The following DCDC1 variants were observed in gnomAD, a reference collection of about 807,000 sequenced individuals.
DCDC1 encodes doublecortin domain containing 1, also known as doublecortin domain-containing protein 1.
In DCDC1, 200 loss-of-function variants were observed where a neutral mutation model predicts 178.3. That is an observed-to-expected ratio of 1.12 (90% confidence interval 1.00 to 1.26). DCDC1 has a LOEUF of 1.26. Among genes scored for constraint, DCDC1 ranks in the 50% most tolerant of loss-of-function variants. DCDC1 has a pLI of 0.00. For synonymous variants in DCDC1, 690 were observed against 604.8 expected (o/e 1.14, Z -2.07); for missense variants, 1,983 against 1,749.2 (o/e 1.13, Z -2.38).
At chr11:30,905,332 C>T (rs1400182036) in intron 30 of DCDC1, among the ~76,000 whole-genome samples, 168 bp from the exon 31 acceptor site, 1 of 152,174 alleles carries the variant, frequency 6.6e-6, no homozygotes, top group Non-Finnish European at 1.5e-5. Flanking sequence ...GATGTTGGAT[C>T]CAAATTCTTC....
intron 20 of DCDC1, among the ~76,000 whole-genome samples, chr11:30,961,021 C>T (rs1192771489): frequency 6.6e-6 from 1 of 152,046 alleles, no homozygotes; most frequent in Non-Finnish European, 1.5e-5. Flanking sequence ...TATCTCCTCT[C>T]TCAAAAACAA....
rs943351119 is a variant in DCDC1 at position 30,921,968 on chromosome 11, G to C, written c.3133+535C>G. ...GAGATGACCACTCAGTCATAGTCAG[G>C]CTCCAGAGGGCCACAGGAAGCAGAG... On this transcript the variant is annotated intron_variant, in intron 24 of 38. Coordinates refer to ENST00000684477, the MANE Select transcript of DCDC1 (RefSeq NM_001387274.1). Among the ~76,000 whole-genome samples, 20 of 152,224 alleles carry C rather than the reference G, an allele frequency of 1.3e-4. No individual in the cohort carries two copies. The East Asian group carries it at 3.5e-3, about 26-fold the overall frequency.
In DCDC1 at chr11:31,367,090, G is replaced by C. The variant is rs548747121; in HGVS notation, c.-125+2607C>G. Among the ~76,000 whole-genome samples, 6 of 152,310 alleles carry C rather than the reference G, an allele frequency of 3.9e-5. No homozygotes were observed. The Middle Eastern group carries it at 0.01, about 259-fold the overall frequency. Reference sequence around the variant, plus strand: ...GCAGGCAGATTGCTTGAGCTCAAGAGTTCCAGACCAGCCTGGCCAACATGG... The same window carrying C: ...GCAGGCAGATTGCTTGAGCTCAAGACTTCCAGACCAGCCTGGCCAACATGG... On this transcript the variant is annotated intron_variant, in intron 1 of 38. Coordinates refer to ENST00000684477, the MANE Select transcript of DCDC1 (RefSeq NM_001387274.1).
chr11:30,927,869 CA>C, intron 22 of DCDC1, among the ~76,000 whole-genome samples: 1 of 152,022 alleles, frequency 6.6e-6, no homozygotes, highest in African/African-American at 2.4e-5. Flanking sequence ...GCATACTTTG[CA>C]AAAAAGTTCA....
At chr11:31,092,875 A>G (rs1258292103) in intron 16 of DCDC1, among the ~76,000 whole-genome samples, 1 of 152,214 alleles carries the variant, frequency 6.6e-6, no homozygotes, top group Non-Finnish European at 1.5e-5. Flanking sequence ...AGGTGAGTCA[A>G]ATATAGAGGA....
At chr11:31,035,965 T>C (rs1954000098) in intron 20 of DCDC1, among the ~76,000 whole-genome samples, 1 of 152,256 alleles carries the variant, frequency 6.6e-6, no homozygotes. Context: ...TTTATTGTTT[T>C]GCTCAAATCG....
intron 1 of DCDC1, among the ~76,000 whole-genome samples, chr11:31,364,336 G>C (rs1951853364): frequency 6.6e-6 from 1 of 152,102 alleles, no homozygotes; most frequent in Admixed American, 6.6e-5. Flanking sequence ...AGAAAAACCA[G>C]AGTGGTGATA....
chr11:30,971,877 G>A (rs1412374614), intron 20 of DCDC1, among the ~76,000 whole-genome samples: 1 of 152,054 alleles, frequency 6.6e-6, no homozygotes, highest in Non-Finnish European at 1.5e-5. Flanking sequence ...CCAAAGTGCT[G>A]GGATTACAGG....
intron 9 of DCDC1, among the ~76,000 whole-genome samples, chr11:31,226,341 T>G (rs1053279016): frequency 5.3e-5 from 8 of 149,976 alleles, no homozygotes; most frequent in African/African-American, 1.7e-4. Flanking sequence ...TCCAGAAAAA[T>G]AAGAAAGAGG....
At chr11:31,156,883 CAT>C (rs1402984124) in intron 9 of DCDC1, among the ~76,000 whole-genome samples, 1 of 152,080 alleles carries the variant, frequency 6.6e-6, no homozygotes, top group Non-Finnish European at 1.5e-5. Flanking sequence ...TCACACTGCA[CAT>C]AGATGCTCAA....
At chr11:31,102,134 T>C (rs1220936430) in intron 15 of DCDC1, 43 bp downstream of exon 15, 3 of 606,400 alleles carry the variant, frequency 4.9e-6, no homozygotes, top group Non-Finnish European at 9.1e-6. Context: ...GAGTGTCCAA[T>C]ACATAAAGTG....
At chr11:31,243,455 G>A (rs1390417001) in intron 8 of DCDC1, among the ~76,000 whole-genome samples, 1 of 151,688 alleles carries the variant, frequency 6.6e-6, no homozygotes, top group African/African-American at 2.4e-5. Flanking sequence ...TGATAAGCTT[G>A]AATGATTTAC....
intron 38 of DCDC1, among the ~76,000 whole-genome samples, chr11:30,873,364 T>TATAGAGAGAGAGAG (rs1228106379): frequency 7.3e-6 from 1 of 137,086 alleles, no homozygotes; most frequent in African/African-American, 2.8e-5. Context: ...TATATATATA[T>TATAGAGAGAGAGAG]AGAGAGAGAG....
In DCDC1 at chr11:30,979,143, A is replaced by C. The variant is rs550965416; in HGVS notation, c.2592-26575T>G. 4.8e-3 allele frequency among the ~76,000 whole-genome samples: 261 copies of C among 53,926 alleles called. 1 individual carries two copies. The highest frequency in any genetic ancestry group is 5.6e-3 in the Non-Finnish European group (158 of 28,276). 35.4% of individuals were successfully genotyped at this position (53,926 alleles called of 152,430 possible). A position where few individuals can be genotyped will look rare whatever the true frequency, so the allele number is the denominator to read the frequency against. On this transcript the variant is annotated intron_variant, in intron 20 of 38. Coordinates refer to ENST00000684477, the MANE Select transcript of DCDC1 (RefSeq NM_001387274.1). ...AGGGACTTCAAGAAGGCTGACTAGA[A>C]GCATCTGGGATTCACTCCTCCACAA...
At chr11:31,186,821 C>G (rs1187144237) in intron 9 of DCDC1, among the ~76,000 whole-genome samples, 3 of 152,222 alleles carry the variant, frequency 2.0e-5, no homozygotes, top group African/African-American at 7.2e-5. Flanking sequence ...TACAGCTTCT[C>G]TGGAAACATC....
rs1305952487 is a variant in DCDC1 at position 30,990,642 on chromosome 11, C to T, written c.2592-38074G>A. On this transcript the variant is annotated intron_variant, in intron 20 of 38. Coordinates refer to ENST00000684477, the MANE Select transcript of DCDC1 (RefSeq NM_001387274.1). ...GAAATGCAGCTATTTGTTAGGTGAC[C>T]TTATTTTTACCTCGGGTAGTAAGGT... 4.6e-5 allele frequency among the ~76,000 whole-genome samples: 7 copies of T among 152,234 alleles called. No individual in the cohort carries two copies. In the South Asian group the frequency reaches 8.3e-4, roughly 18 times the overall value.
intron 29 of DCDC1, among the ~76,000 whole-genome samples, chr11:30,908,125 T>A (rs1381835356): frequency 6.6e-6 from 1 of 150,652 alleles, no homozygotes; most frequent in Non-Finnish European, 1.5e-5. Context: ...CTGAACCCAC[T>A]CATAACTATC....
At chr11:31,206,445 G>A (rs187623861) in intron 9 of DCDC1, among the ~76,000 whole-genome samples, 67 of 152,190 alleles carry the variant, frequency 4.4e-4, no homozygotes, top group Admixed American at 9.2e-4. Flanking sequence ...ATGGAGTCTC[G>A]CACTGTTGCC....
intron 20 of DCDC1, among the ~76,000 whole-genome samples, chr11:31,036,813 ACT>A (rs1954065802): frequency 6.6e-6 from 1 of 152,168 alleles, no homozygotes; most frequent in Admixed American, 6.5e-5. Flanking sequence ...ACAGGGATTT[ACT>A]TTTTTTTCTT....
Sources: gnomAD v4.1 joint callset for allele counts (sites outside exome capture counted in the v4.1 genomes callset) on GRCh38, gnomAD v4.1.1 for gene constraint, MANE v1.5 for transcripts, NCBI Gene and HGNC (gene_info 2026-07-23, HGNC 2026-07-21) for gene names.